Variants in PIK3AP1 observed in about 807,000 individuals in gnomAD.
PIK3AP1 encodes phosphoinositide-3-kinase adaptor protein 1, also known as phosphoinositide 3-kinase adapter protein 1.
In PIK3AP1, 21 loss-of-function variants were observed where a neutral mutation model predicts 88.1. The observed-to-expected ratio is 0.24, with a 90% CI of 0.17 to 0.34. The LOEUF (loss-of-function observed/expected upper bound fraction) is 0.34, where lower values mean the gene tolerates loss of function less well. Among genes scored for constraint, PIK3AP1 ranks in the 10% least tolerant of loss-of-function variants. The pLI is 1.00. For missense variants in PIK3AP1, 828 were observed against 1,035.7 expected, an observed-to-expected ratio of 0.80 and a Z score of 2.75; for synonymous variants, 398 against 400.0, an observed-to-expected ratio of 1.00 and a Z score of 0.06.
intron 16 of PIK3AP1, among the ~76,000 whole-genome samples, chr10:96,599,553 C>G (rs1848847141): frequency 6.6e-6 from 1 of 151,974 alleles, no homozygotes; most frequent in Non-Finnish European, 1.5e-5. Flanking sequence ...CAGGGGTTAG[C>G]AGGGAGGTTA....
At position 96,604,158 on chromosome 10, in the gene PIK3AP1, G is replaced by C. The variant is rs542630563; in HGVS notation, c.2171-109C>G. The C allele has an allele frequency of 1.1e-5, 10 of 903,002 alleles. No individual in the cohort carries two copies. The South Asian group carries it at 1.8e-4, about 16-fold the overall frequency. The allele number at this position is 903,002 out of a possible 1,614,324, so 55.9% of individuals were successfully genotyped here. A position where few individuals can be genotyped will look rare whatever the true frequency, so the allele number is the denominator to read the frequency against. The stretch of plus-strand genomic sequence containing the variant: ...TATTGATATAAATAATACATAAGCT[G>C]TAAGTATGGGGTTCTTCAAACTTTG... On this transcript the variant is annotated intron_variant, in intron 14 of 16. Transcript: ENST00000339364.
At chr10:96,707,898 C>T (rs547900901) in intron 2 of PIK3AP1, among the ~76,000 whole-genome samples, 16 of 152,234 alleles carry the variant, frequency 1.1e-4, no homozygotes, top group Admixed American at 3.9e-4. Context: ...ATCCAGGTCC[C>T]GGCATTTCAG....
At chr10:96,596,047 C>T (rs1564947359) in intron 16 of PIK3AP1, among the ~76,000 whole-genome samples, 1 of 152,154 alleles carries the variant, frequency 6.6e-6, no homozygotes, top group Non-Finnish European at 1.5e-5. Flanking sequence ...TTCCTAGAAA[C>T]AGCAAACAAG....
At chr10:96,703,936 T>A (rs1313156380) in intron 2 of PIK3AP1, among the ~76,000 whole-genome samples, 4 of 152,222 alleles carry the variant, frequency 2.6e-5, no homozygotes, top group Non-Finnish European at 4.4e-5. Context: ...AGACTCCAAT[T>A]AAAACATCTG....
chr10:96,658,063 CAAA>C (rs10706863), intron 2 of PIK3AP1, among the ~76,000 whole-genome samples: 2 of 113,928 alleles, frequency 1.8e-5, no homozygotes, highest in Non-Finnish European at 1.9e-5. Context: ...AACTCCATCT[CAAA>C]AAAAAAAAAA....
chr10:96,715,708 G>C (rs2134296881), intron 1 of PIK3AP1, among the ~76,000 whole-genome samples: 1 of 152,088 alleles, frequency 6.6e-6, no homozygotes, highest in South Asian at 2.1e-4. Context: ...GGCTAACATG[G>C]TGAAAACCCG....
At chr10:96,619,659 T>G (rs1182154404) in intron 12 of PIK3AP1, among the ~76,000 whole-genome samples, 1 of 152,218 alleles carries the variant, frequency 6.6e-6, no homozygotes, top group Admixed American at 6.5e-5. Flanking sequence ...TTATACATCA[T>G]GTACACTTAT....
At chr10:96,669,972 C>T (rs146481749) in intron 2 of PIK3AP1, among the ~76,000 whole-genome samples, 7,444 of 151,326 alleles carry the variant, frequency 0.049, 310 homozygotes, top group African/African-American at 0.12. Context: ...GTCAGGAGTT[C>T]GAGACCAGCC....
At chr10:96,660,680 T>G (rs1278763443) in intron 2 of PIK3AP1, among the ~76,000 whole-genome samples, 1 of 152,132 alleles carries the variant, frequency 6.6e-6, no homozygotes, top group Non-Finnish European at 1.5e-5. Context: ...AATTGAAAAC[T>G]TACAGTCACA....
intron 8 of PIK3AP1, among the ~76,000 whole-genome samples, chr10:96,631,770 C>G (rs1397031928): frequency 6.6e-6 from 1 of 152,052 alleles, no homozygotes; most frequent in Non-Finnish European, 1.5e-5. Flanking sequence ...GTACTCCCAG[C>G]TACTCAGGAG....
intron 3 of PIK3AP1, among the ~76,000 whole-genome samples, chr10:96,655,999 C>A (rs953963460): frequency 2.6e-5 from 4 of 152,194 alleles, no homozygotes; most frequent in Admixed American, 6.5e-5. Context: ...TGCCTCACGG[C>A]CTCAGCCTGC....
chr10:96,714,702 T>C (rs894034035), intron 1 of PIK3AP1, among the ~76,000 whole-genome samples: 1 of 152,182 alleles, frequency 6.6e-6, no homozygotes, highest in African/African-American at 2.4e-5. Flanking sequence ...AAAAATTCAA[T>C]GACAGGCATA....
chr10:96,715,687 G>A (rs1193572485), intron 1 of PIK3AP1, among the ~76,000 whole-genome samples: 2 of 151,942 alleles, frequency 1.3e-5, no homozygotes, highest in South Asian at 2.1e-4. Flanking sequence ...TCAGGAGATC[G>A]AGACCATCCT....
chr10:96,668,453 G>C (rs1843795642), intron 2 of PIK3AP1, among the ~76,000 whole-genome samples: 1 of 152,196 alleles, frequency 6.6e-6, no homozygotes, highest in Non-Finnish European at 1.5e-5. Context: ...GGGAAGGCAG[G>C]ATGAAGGCCT....
chr10:96,646,019 G>A (rs1490440764), intron 7 of PIK3AP1, among the ~76,000 whole-genome samples: 1 of 152,178 alleles, frequency 6.6e-6, no homozygotes, highest in Non-Finnish European at 1.5e-5. Flanking sequence ...CAGGACTTTA[G>A]GAGGCCAAGG....
In PIK3AP1 at chr10:96,720,258, G is replaced by A; in HGVS notation, c.13+124C>T. ...GCGACAGGGAACATAGAAAAGAGCA[G>A]AAAGAGGGCAAGATCCCCGCACAGA... On this transcript the variant is annotated intron_variant, in intron 1 of 16. Transcript: ENST00000339364. This position sits in a 1 kb window ranked among gnomAD's most constrained non-coding sequence, Gnocchi z 4.6. The A allele has an allele frequency of 1.0e-6, 1 of 1,002,206 alleles. No homozygotes were observed. Among genetic ancestry groups the A allele is most frequent in the Admixed American group, 4.3e-5 (1 of 23,090 alleles). 62.1% of individuals were successfully genotyped at this position (1,002,206 alleles called of 1,614,324 possible).
chr10:96,669,355 G>T (rs1440189247), intron 2 of PIK3AP1, among the ~76,000 whole-genome samples: 2 of 152,146 alleles, frequency 1.3e-5, no homozygotes, highest in Non-Finnish European at 2.9e-5. Flanking sequence ...AAGTTTCCTA[G>T]TCACATAGCA....
intron 2 of PIK3AP1, among the ~76,000 whole-genome samples, chr10:96,708,596 A>AAAG (rs1844395989): frequency 6.7e-6 from 1 of 150,314 alleles, no homozygotes; most frequent in African/African-American, 2.5e-5. Context: ...AAAAAAAAAA[A>AAAG]AAAAAGCAAA....
At chr10:96,649,692 A>G (rs1032581345) in intron 6 of PIK3AP1, among the ~76,000 whole-genome samples, 7 of 152,330 alleles carry the variant, frequency 4.6e-5, no homozygotes, top group Middle Eastern at 3.4e-3. Context: ...CTATCTCAAA[A>G]GGACCTGGGA....
Sources: allele counts gnomAD v4.1 joint callset (sites outside exome capture counted in the v4.1 genomes callset), GRCh38; gene constraint gnomAD v4.1.1; non-coding constraint Gnocchi (gnomAD v3.1); transcripts MANE v1.5; gene names NCBI Gene and HGNC (gene_info 2026-07-23, HGNC 2026-07-21).